GALNT2: variants seen among roughly 807,000 people sequenced by gnomAD.
GALNT2 encodes UDP-GalNAc:polypeptide N-acetylgalactosaminyltransferase 2.
In GALNT2, 31 loss-of-function variants were observed where a neutral mutation model predicts 81.4. The observed-to-expected ratio is 0.38, with a 90% confidence interval of 0.29 to 0.51. GALNT2 has a LOEUF of 0.51. Among genes scored for constraint, GALNT2 ranks in the 20% least tolerant of loss-of-function variants. The pLI is 0.87. For missense variants in GALNT2, 629 were observed against 765.7 expected (o/e 0.82, Z 2.11); for synonymous variants, 303 against 287.4 (o/e 1.05, Z -0.55).
chr1:230,161,222 A>G (rs1400888231), intron 1 of GALNT2, among the ~76,000 whole-genome samples: 1 of 152,188 alleles, frequency 6.6e-6, no homozygotes, highest in Non-Finnish European at 1.5e-5. Flanking sequence ...GGCTGGTCCA[A>G]GGTGGCCTCA....
intron 1 of GALNT2, among the ~76,000 whole-genome samples, chr1:230,088,302 T>C (rs965869802): frequency 1.3e-5 from 2 of 152,210 alleles, no homozygotes; most frequent in Non-Finnish European, 1.5e-5. Flanking sequence ...CTCTGTGCAC[T>C]TGACACCTCT....
chr1:230,150,019 A>G (rs1662043366), intron 1 of GALNT2, among the ~76,000 whole-genome samples: 2 of 152,212 alleles, frequency 1.3e-5, no homozygotes, highest in African/African-American at 2.4e-5. Flanking sequence ...TCTTAATTAT[A>G]CCATAATAGA....
intron 1 of GALNT2, among the ~76,000 whole-genome samples, chr1:230,145,383 G>T (rs1461451876): frequency 6.6e-6 from 1 of 152,220 alleles, no homozygotes; most frequent in Non-Finnish European, 1.5e-5. Flanking sequence ...GAGGGGGTTT[G>T]TCCTGGAAAT....
intron 1 of GALNT2, among the ~76,000 whole-genome samples, chr1:230,138,888 A>G (rs1175104808): frequency 6.6e-6 from 1 of 152,122 alleles, no homozygotes; most frequent in African/African-American, 2.4e-5. Context: ...CAGCTTCTTC[A>G]CTGCATCCTG....
At chr1:230,060,595 T>C (rs3009712) in intron 1 of GALNT2, among the ~76,000 whole-genome samples, 105,077 of 151,668 alleles carry the variant, frequency 0.69, 38,060 homozygotes, top group Admixed American at 0.82. Flanking sequence ...TTGAAAGACA[T>C]TTGAAGACCT....
chr1:230,075,369 C>T (rs896749647), intron 1 of GALNT2, among the ~76,000 whole-genome samples: 1 of 152,114 alleles, frequency 6.6e-6, no homozygotes, highest in African/African-American at 2.4e-5. Flanking sequence ...GATCCACCCA[C>T]CTCGGCCTCC....
At chr1:230,109,334 A>G (rs1010895681) in intron 1 of GALNT2, among the ~76,000 whole-genome samples, 2 of 152,152 alleles carry the variant, frequency 1.3e-5, no homozygotes, top group Non-Finnish European at 2.9e-5. Flanking sequence ...GGGGTGTAGC[A>G]GGGACATGGT....
chr1:230,100,973 T>G (rs1660385550), intron 1 of GALNT2, among the ~76,000 whole-genome samples: 1 of 152,232 alleles, frequency 6.6e-6, no homozygotes, highest in Non-Finnish European at 1.5e-5. Flanking sequence ...TTACTGTATC[T>G]TTTCTATTTT....
intron 1 of GALNT2, among the ~76,000 whole-genome samples, chr1:230,089,710 A>G (rs1318774596): frequency 2.0e-5 from 3 of 152,366 alleles, no homozygotes; most frequent in South Asian, 2.1e-4. Flanking sequence ...CATAATACCT[A>G]CAAGGTTTAT....
At chr1:230,085,344 T>C (rs1238124030) in intron 1 of GALNT2, among the ~76,000 whole-genome samples, 1 of 152,172 alleles carries the variant, frequency 6.6e-6, no homozygotes, top group Non-Finnish European at 1.5e-5. Context: ...TCCTGTCCCG[T>C]GGAACACTGG....
At chr1:230,119,256 T>C (rs2102798743) in intron 1 of GALNT2, among the ~76,000 whole-genome samples, 1 of 152,364 alleles carries the variant, frequency 6.6e-6, no homozygotes, top group Middle Eastern at 3.4e-3. Context: ...CATTGACTTG[T>C]GCGTACAGGT....
Position 230,243,453 on chromosome 1 carries a change from T to C in GALNT2, c.729+26T>C, listed in dbSNP as rs1558157353. The C allele has an allele frequency of 6.2e-7, 1 of 1,603,992 alleles. No homozygotes were observed. Among genetic ancestry groups the C allele is most frequent in the Admixed American group, 1.7e-5 (1 of 59,608 alleles). ...GTGAGATGACGGGGGCTGGGAGGGG[T>C]GTCAGGTCGTGGGTGGTTGGTAGAG... On this transcript the variant is annotated intron_variant, in intron 7 of 15. Transcript: ENST00000366672. The surrounding 1 kb of genome is among the most constrained non-coding windows in gnomAD (Gnocchi z 4.2).
chr1:230,122,748 A>T (rs2102803223), intron 1 of GALNT2, among the ~76,000 whole-genome samples: 2 of 152,254 alleles, frequency 1.3e-5, no homozygotes, highest in South Asian at 4.1e-4. Context: ...GGATAAGCCC[A>T]CTAAGGATGA....
At chr1:230,157,150 T>C (rs2102842346) in intron 1 of GALNT2, among the ~76,000 whole-genome samples, 1 of 152,326 alleles carries the variant, frequency 6.6e-6, no homozygotes, top group East Asian at 1.9e-4. Flanking sequence ...TAGATGCATT[T>C]AAAAGCAGAG....
chr1:230,260,229 A>T (rs1255209288), intron 11 of GALNT2, among the ~76,000 whole-genome samples: 1 of 152,228 alleles, frequency 6.6e-6, no homozygotes, highest in Non-Finnish European at 1.5e-5. Flanking sequence ...ACTTGCAAAT[A>T]CCTGCAAAAA....
chr1:230,083,183 T>C (rs1274735471), intron 1 of GALNT2, among the ~76,000 whole-genome samples: 1 of 127,312 alleles, frequency 7.9e-6, no homozygotes, highest in Non-Finnish European at 1.6e-5. Context: ...AGCAGGATGA[T>C]GGAGCAGGGA....
chr1:230,253,032 G>A (rs1872857), intron 10 of GALNT2, among the ~76,000 whole-genome samples: 32,658 of 151,538 alleles, frequency 0.22, 4,380 homozygotes, highest in Middle Eastern at 0.3. Context: ...ATTTTTAGTA[G>A]AGACAGGGTT....
Position 230,249,336 on chromosome 1 carries a change from G to A in GALNT2, c.905+65G>A. 5 of 1,454,306 alleles carry A rather than the reference G, an allele frequency of 3.4e-6. No homozygotes were observed. The South Asian group carries it at 4.7e-5, about 14-fold the overall frequency. The allele number at this position is 1,454,306 out of a possible 1,614,324, so 90.1% of individuals were successfully genotyped here. On this transcript the variant is annotated intron_variant, in intron 9 of 15. Transcript: ENST00000366672. ...GACCCCAGGTTCCAGCTTCTTTGCT[G>A]GGCCCGCACCGCCTGGAGACCCAGT... is the stretch of plus-strand genomic sequence containing the variant.
In GALNT2 at chr1:230,140,925, G is replaced by A. The variant is rs183779041; in HGVS notation, c.127-37293G>A. Among the ~76,000 whole-genome samples, 47 of 152,316 alleles carry A rather than the reference G, an allele frequency of 3.1e-4. No individual in the cohort carries two copies. In the East Asian group the frequency reaches 5.8e-3, roughly 19 times the overall value. ...AGTGATAGTGTGGAAGGGAAGATAC[G>A]TATCCTTTCTAGTTCTGAAATAGCT... is the stretch of plus-strand genomic sequence containing the variant. On this transcript the variant is annotated intron_variant, in intron 1 of 15. Coordinates refer to ENST00000366672, the MANE Select transcript of GALNT2 (RefSeq NM_004481.5).
Sources: allele counts gnomAD v4.1 joint callset (sites outside exome capture counted in the v4.1 genomes callset), GRCh38; gene constraint gnomAD v4.1.1; non-coding constraint Gnocchi (gnomAD v3.1); transcripts MANE v1.5; gene names NCBI Gene and HGNC (gene_info 2026-07-23, HGNC 2026-07-21).